ZSCAN5A: variants seen among roughly 807,000 people sequenced by gnomAD.
The protein encoded by ZSCAN5A is zinc finger and SCAN domain containing 5A, also known as zinc finger and SCAN domain-containing protein 5A.
A neutral mutation model predicts 23.7 loss-of-function variants in ZSCAN5A; 12 were observed. The ratio of observed to expected loss-of-function variants is 0.51; its 90% confidence interval spans 0.32 to 0.82. The LOEUF (loss-of-function observed/expected upper bound fraction) is 0.82, where lower values mean the gene tolerates loss of function less well. ZSCAN5A is among the 40% of genes least tolerant of loss of function. The pLI is 0.03. For synonymous variants in ZSCAN5A, 257 were observed against 239.9 expected (o/e 1.07, Z -0.66); for missense variants, 597 against 617.9 (o/e 0.97, Z 0.36).
At chr19:56,269,935 A>G (rs776288118) in intron 2 of ZSCAN5A, among the ~76,000 whole-genome samples, 3 of 152,144 alleles carry the variant, frequency 2.0e-5, no homozygotes, top group Non-Finnish European at 4.4e-5. Flanking sequence ...CACAAATTTT[A>G]TGGTAATTTG....
intron 2 of ZSCAN5A, among the ~76,000 whole-genome samples, chr19:56,323,696 C>G (rs1362426032): frequency 1.3e-5 from 2 of 151,852 alleles, no homozygotes; most frequent in Non-Finnish European, 2.9e-5. Context: ...GCCACCACAG[C>G]CTGCTAATTT....
chr19:56,324,384 CTCTGT>C (rs1419510539), intron 2 of ZSCAN5A, among the ~76,000 whole-genome samples: 1 of 152,032 alleles, frequency 6.6e-6, no homozygotes, highest in African/African-American at 2.4e-5. Flanking sequence ...GTATATGAAA[CTCTGT>C]TCAACATCAG....
chr19:56,250,601 C>G (rs1358074468), intron 2 of ZSCAN5A, among the ~76,000 whole-genome samples: 1 of 152,156 alleles, frequency 6.6e-6, no homozygotes, highest in East Asian at 1.9e-4. Context: ...ATCTTACCAT[C>G]TCTTACTGCT....
chr19:56,260,146 C>A (rs1381859218), intron 2 of ZSCAN5A, among the ~76,000 whole-genome samples: 2 of 151,918 alleles, frequency 1.3e-5, no homozygotes, highest in Non-Finnish European at 2.9e-5. Context: ...TATCTACCAA[C>A]CATGGACATA....
rs188704427 is a variant in ZSCAN5A, at chr19:56,306,218, C to T, written c.-128+7065G>A. ...CTGGTCAAGGCTAGGGTCCAGGGTACGGAGAGAAAGTACGAAAGACAGATG... is the reference window on the plus strand; with the variant it reads ...CTGGTCAAGGCTAGGGTCCAGGGTATGGAGAGAAAGTACGAAAGACAGATG... On this transcript the variant is annotated intron_variant, in intron 2 of 5. Transcript: ENST00000683990. 7.0e-4 allele frequency among the ~76,000 whole-genome samples: 107 copies of T among 152,290 alleles called. 1 individual carries two copies. In the Middle Eastern group the frequency reaches 0.017, roughly 24 times the overall value.
rs573801176 is a variant in ZSCAN5A, at chr19:56,250,366, T to G, written c.-127-25193A>C. Reference sequence around the variant, plus strand: ...TGCAACAAAGGTTGAGAACCACTGGTGTACAGTATAAAGAGAAATTTCTAG... The same window carrying G: ...TGCAACAAAGGTTGAGAACCACTGGGGTACAGTATAAAGAGAAATTTCTAG... On this transcript the variant is annotated intron_variant, in intron 2 of 5. Transcript: ENST00000683990. 2.6e-5 allele frequency among the ~76,000 whole-genome samples: 4 copies of G among 152,332 alleles called. No homozygotes were observed. In the South Asian group the frequency reaches 6.2e-4, roughly 24 times the overall value.
chr19:56,331,006 T>C (rs1172024354), intron 2 of ZSCAN5A, among the ~76,000 whole-genome samples: 2 of 152,236 alleles, frequency 1.3e-5, no homozygotes, highest in Non-Finnish European at 2.9e-5. Context: ...AGGGGTCCAG[T>C]TGCATTCTTC....
rs2035814693 is a variant in ZSCAN5A at position 56,245,529 on chromosome 19, CAG to C, written c.-127-20358_-127-20357del. 7 of 363,872 alleles carry C rather than the reference CAG, an allele frequency of 1.9e-5. No individual in the cohort carries two copies. The East Asian group carries it at 1.9e-4, about 10-fold the overall frequency. 22.5% of individuals were successfully genotyped at this position (363,872 alleles called of 1,614,324 possible). A position where few individuals can be genotyped will look rare whatever the true frequency, so the allele number is the denominator to read the frequency against. On this transcript the variant is annotated intron_variant, in intron 2 of 5. Transcript: ENST00000683990. The stretch of plus-strand genomic sequence containing the variant: ...TGAGAGATTTGGCACAGGACAAGAA[CAG>C]AGACATTCCCCATGGATGTGTTACA...
chr19:56,367,490 CAAG>C (rs1194167582), intron 1 of ZSCAN5A: 1 of 152,184 alleles, frequency 6.6e-6, no homozygotes, highest in African/African-American at 2.4e-5. Context: ...TTTCTGTAAA[CAAG>C]AAGTAATTTG....
Position 56,229,850 on chromosome 19 carries a change from T to C in ZSCAN5A, c.-127-4677A>G, listed in dbSNP as rs76685408. The stretch of plus-strand genomic sequence containing the variant: ...CAGGTTTTTAGGGGTTCTTTTGCTA[T>C]TGTAAATGGGATTGCTTTCTTGGTT... On this transcript the variant is annotated intron_variant, in intron 2 of 5. Coordinates refer to ENST00000683990, the MANE Select transcript of ZSCAN5A (RefSeq NM_001322064.3). Among the ~76,000 whole-genome samples the C allele has an allele frequency of 1.3e-3, 196 of 152,288 alleles. No individual in the cohort carries two copies. The East Asian group carries it at 0.032, about 25-fold the overall frequency.
At chr19:56,282,629 T>C (rs962071121) in intron 2 of ZSCAN5A, 4 of 390,332 alleles carry the variant, frequency 1.0e-5, no homozygotes, top group East Asian at 1.6e-4. Context: ...ATAGCGGAAC[T>C]AGTAAAACCA....
intron 2 of ZSCAN5A, chr19:56,342,717 G>C: frequency 1.5e-6 from 1 of 654,260 alleles, no homozygotes; most frequent in South Asian, 1.8e-5. Context: ...TTTTCCTCTG[G>C]ATTATATCTG....
chr19:56,312,661 T>A (rs1364215385), intron 2 of ZSCAN5A, among the ~76,000 whole-genome samples: 1 of 152,242 alleles, frequency 6.6e-6, no homozygotes, highest in Non-Finnish European at 1.5e-5. Context: ...TAGGCTTATA[T>A]AAGATGTTAA....
intron 1 of ZSCAN5A, chr19:56,367,834 C>T (rs1422194640): frequency 2.0e-5 from 3 of 152,160 alleles, no homozygotes; most frequent in African/African-American, 7.2e-5. Context: ...ATCACATAAC[C>T]TCACGGAGAA....
intron 2 of ZSCAN5A, chr19:56,274,573 CA>C (rs1247734822): frequency 5.3e-5 from 8 of 152,066 alleles, no homozygotes; most frequent in African/African-American, 1.7e-4. Context: ...GAATATTCTT[CA>C]CCCAGTTATC....
At chr19:56,308,074 G>A (rs926918074) in intron 2 of ZSCAN5A, among the ~76,000 whole-genome samples, 2 of 152,098 alleles carry the variant, frequency 1.3e-5, no homozygotes, top group Non-Finnish European at 2.9e-5. Context: ...TCGCTCTGTC[G>A]CCAGGCTGGA....
At chr19:56,225,309 C>A (rs1599986046) in intron 2 of ZSCAN5A, 136 bp from the exon 3 acceptor site, 3 of 713,062 alleles carry the variant, frequency 4.2e-6, no homozygotes, top group East Asian at 7.1e-5. Context: ...AGTGTCTATA[C>A]CTGACTACAT....
At chr19:56,331,698 C>G (rs952180666) in intron 2 of ZSCAN5A, among the ~76,000 whole-genome samples, 8 of 149,166 alleles carry the variant, frequency 5.4e-5, no homozygotes, top group African/African-American at 2.0e-4. Context: ...AGCAATTCTC[C>G]CGCTTCAGCT....
chr19:56,296,232 TC>T (rs1398225678), intron 2 of ZSCAN5A: 1 of 152,432 alleles, frequency 6.6e-6, no homozygotes, highest in Non-Finnish European at 1.5e-5. Context: ...GCAGGGCTTC[TC>T]GGAGGAGGAG....
Sources: allele counts gnomAD v4.1 joint callset (sites outside exome capture counted in the v4.1 genomes callset), GRCh38; gene constraint gnomAD v4.1.1; transcripts MANE v1.5; gene names NCBI Gene and HGNC (gene_info 2026-07-23, HGNC 2026-07-21).